ZFHX3: variants seen among roughly 807,000 people sequenced by gnomAD.
ZFHX3 encodes zinc finger homeobox protein 3.
ZFHX3 carries 42 observed loss-of-function variants against 279.1 expected under a neutral mutation model. The observed-to-expected ratio is 0.15, with a 90% confidence interval of 0.12 to 0.19. ZFHX3 has a LOEUF of 0.19. Ranked by LOEUF, ZFHX3 falls within the 10% of genes least tolerant of loss-of-function variation. The pLI is 1.00. For synonymous variants in ZFHX3, 2,293 were observed against 1,957.8 expected (o/e 1.17, Z -4.52); for missense variants, 4,981 against 4,754.0 (o/e 1.05, Z -1.40).
chr16:73,218,077 G>A (rs980807784), intron 5 of ZFHX3, among the ~76,000 whole-genome samples: 1 of 151,984 alleles, frequency 6.6e-6, no homozygotes, highest in Non-Finnish European at 1.5e-5. Flanking sequence ...AACCTAACGG[G>A]CCTTCAGTGA....
chr16:73,279,579 C>T (rs2014405068), intron 4 of ZFHX3, among the ~76,000 whole-genome samples: 2 of 152,236 alleles, frequency 1.3e-5, no homozygotes, highest in Admixed American at 6.5e-5. Flanking sequence ...GTACATTTCT[C>T]ATGTCTTACA....
chr16:73,160,619 T>A (rs1299825534), intron 5 of ZFHX3, among the ~76,000 whole-genome samples: 2 of 152,162 alleles, frequency 1.3e-5, no homozygotes. Flanking sequence ...ATTACTGCCA[T>A]CATAATCACA....
At chr16:73,127,905 A>T (rs930970513) in intron 7 of ZFHX3, among the ~76,000 whole-genome samples, 7 of 152,176 alleles carry the variant, frequency 4.6e-5, no homozygotes, top group African/African-American at 1.7e-4. Context: ...GGCCAATGAA[A>T]TGTGAATAGA....
intron 2 of ZFHX3, among the ~76,000 whole-genome samples, chr16:73,494,903 T>A (rs1247811810): frequency 6.6e-6 from 1 of 151,970 alleles, no homozygotes; most frequent in Non-Finnish European, 1.5e-5. Context: ...GGGGCACTGA[T>A]ACAAGTTCCA....
intron 1 of ZFHX3, among the ~76,000 whole-genome samples, chr16:73,701,564 C>T (rs375225557): frequency 1.2e-4 from 19 of 152,278 alleles, no homozygotes; most frequent in African/African-American, 4.3e-4. Flanking sequence ...TTTATTATTT[C>T]ATTAAGTTGT....
At chr16:73,793,939 G>C (rs1453496847) in intron 1 of ZFHX3, 2 of 151,976 alleles carry the variant, frequency 1.3e-5, no homozygotes, top group Non-Finnish European at 2.9e-5. Flanking sequence ...GGGGGGAGGG[G>C]TGTGGCTGGA....
At chr16:73,853,979 T>C (rs1411212472) in intron 1 of ZFHX3, among the ~76,000 whole-genome samples, 2 of 152,146 alleles carry the variant, frequency 1.3e-5, no homozygotes, top group African/African-American at 4.8e-5. Context: ...CCTAAAAGAG[T>C]TTCTGTCTTT....
intron 3 of ZFHX3, among the ~76,000 whole-genome samples, chr16:73,336,682 T>C (rs2015918922): frequency 6.6e-6 from 1 of 152,094 alleles, no homozygotes; most frequent in Admixed American, 6.5e-5. Flanking sequence ...ATGTGAATAG[T>C]TCCGCGATGA....
At chr16:72,972,596 C>A (rs1962154555) in intron 1 of ZFHX3, among the ~76,000 whole-genome samples, 1 of 152,226 alleles carries the variant, frequency 6.6e-6, no homozygotes, top group Non-Finnish European at 1.5e-5. Context: ...AAGACTAGCT[C>A]TCTGAAGGGC....
chr16:73,687,565 C>A (rs879433767), intron 1 of ZFHX3, among the ~76,000 whole-genome samples: 1 of 151,904 alleles, frequency 6.6e-6, no homozygotes, highest in Admixed American at 6.6e-5. Context: ...AACTATTGAC[C>A]GGGTGCGGTG....
chr16:72,882,979 T>G (rs74028121), intron 4 of ZFHX3, among the ~76,000 whole-genome samples: 2,408 of 16,132 alleles, frequency 0.15, 85 homozygotes, highest in South Asian at 0.24. Flanking sequence ...CACTCTGGGG[T>G]GTGTGTGTGT....
chr16:73,500,719 C>T (rs1231700402), intron 2 of ZFHX3, among the ~76,000 whole-genome samples: 1 of 117,532 alleles, frequency 8.5e-6, no homozygotes, highest in Non-Finnish European at 1.8e-5. Context: ...ACCTCACAGA[C>T]TAAGGATATA....
chr16:72,845,135 C>G (rs1038126258), intron 4 of ZFHX3, among the ~76,000 whole-genome samples: 1 of 152,068 alleles, frequency 6.6e-6, no homozygotes, highest in Non-Finnish European at 1.5e-5. Context: ...AAAAGCAGCT[C>G]CAAGCGGGGG....
At chr16:73,375,814 A>G (rs1447679201) in intron 3 of ZFHX3, among the ~76,000 whole-genome samples, 2 of 152,182 alleles carry the variant, frequency 1.3e-5, no homozygotes, top group Non-Finnish European at 2.9e-5. Context: ...AAAACAGCTT[A>G]CTATTTTTTT....
intron 5 of ZFHX3, among the ~76,000 whole-genome samples, chr16:73,174,863 CAAAA>C (rs34447211): frequency 3.5e-5 from 3 of 86,824 alleles, no homozygotes; most frequent in Admixed American, 1.3e-4. Context: ...ACTAAAAATA[CAAAA>C]AAAAAAAAAA....
upstream of ZFHX3, among the ~76,000 whole-genome samples, chr16:73,064,323 C>G (rs1387323930): frequency 6.6e-6 from 1 of 151,942 alleles, no homozygotes; most frequent in African/African-American, 2.4e-5. Flanking sequence ...GGTGAATCAC[C>G]CCGATTTTAG....
chr16:73,689,821 T>G (rs1371563210), intron 1 of ZFHX3, among the ~76,000 whole-genome samples: 1 of 151,058 alleles, frequency 6.6e-6, no homozygotes, highest in Non-Finnish European at 1.5e-5. Flanking sequence ...TTTTTTGTTT[T>G]TTTTGTTGTT....
At chr16:73,029,899 C>T (rs1300774756) in intron 1 of ZFHX3, among the ~76,000 whole-genome samples, 2 of 152,200 alleles carry the variant, frequency 1.3e-5, no homozygotes, top group East Asian at 1.9e-4. Flanking sequence ...AAAATGTCAA[C>T]AAAACAAATT....
At position 72,939,032 on chromosome 16, in the gene ZFHX3, G is replaced by A. The variant is rs191221191; in HGVS notation, c.3216+11437C>T. 1.4e-3 allele frequency among the ~76,000 whole-genome samples: 209 copies of A among 147,184 alleles called. 1 individual carries two copies. The highest frequency in any genetic ancestry group is 1.4e-3 in the Non-Finnish European group (90 of 66,242). On this transcript the variant is annotated intron_variant, in intron 3 of 9. Transcript: ENST00000268489. ...TCTAGGACACATAGCCCTGGGACCC[G>A]CGCCACTTGGCCTGGCTCACTAGAG...
Sources: allele counts gnomAD v4.1 joint callset (sites outside exome capture counted in the v4.1 genomes callset), GRCh38; gene constraint gnomAD v4.1.1; transcripts MANE v1.5; gene names NCBI Gene and HGNC (gene_info 2026-07-23, HGNC 2026-07-21).